The following HAO2 variants were observed in gnomAD, a reference collection of about 807,000 sequenced individuals.
HAO2 encodes hydroxyacid oxidase 2.
HAO2 carries 42 observed loss-of-function variants against 37.4 expected under a neutral mutation model. The ratio of observed to expected loss-of-function variants is 1.12; its 90% CI spans 0.88 to 1.45. HAO2 has a LOEUF of 1.45. HAO2 is among the 40% of genes most tolerant of loss of function. The pLI, the probability that HAO2 is intolerant of heterozygous loss-of-function variation, is 0.00. For synonymous variants in HAO2, 180 were observed against 162.8 expected, an observed-to-expected ratio of 1.11 and a Z score of -0.81; for missense variants, 476 against 430.2, an observed-to-expected ratio of 1.11 and a Z score of -0.94.
At chr1:119,377,397 T>A (rs146744173) in intron 1 of HAO2, among the ~76,000 whole-genome samples, 5 of 152,160 alleles carry the variant, frequency 3.3e-5, no homozygotes, top group African/African-American at 9.7e-5. Context: ...CATATTACTA[T>A]CAAAATTTTA....
chr1:119,384,725 C>T, intron 3 of HAO2, 51 bp from the exon 4 acceptor site: 1 of 1,538,076 alleles, frequency 6.5e-7, no homozygotes, highest in African/African-American at 1.4e-5. Flanking sequence ...GTTTTCAGCC[C>T]AGTCCAGAGG....
chr1:119,382,547 T>G (rs1372642532), intron 2 of HAO2, among the ~76,000 whole-genome samples: 1 of 152,146 alleles, frequency 6.6e-6, no homozygotes, highest in African/African-American at 2.4e-5. Flanking sequence ...CTACCTATTC[T>G]TTTCTTTTTA....
At chr1:119,385,447 A>G in intron 4 of HAO2, 1 of 803,000 alleles carries the variant, frequency 1.2e-6, no homozygotes, top group Non-Finnish European at 1.5e-6. Flanking sequence ...ATACATAGAC[A>G]AACTGACTCT....
rs1557860187 is a variant in HAO2, at chr1:119,393,949, C to T, written c.*109C>T. 9 of 1,575,352 alleles carry T rather than the reference C, an allele frequency of 5.7e-6. No individual in the cohort carries two copies. Among genetic ancestry groups the T allele is most frequent in the Non-Finnish European group, 7.8e-6 (9 of 1,153,828 alleles). On this transcript the variant is annotated 3_prime_UTR_variant, in exon 8 of 8. Transcript: ENST00000325945. ...CTGGACCCCATTCTGTCCGGAGGCT[C>T]ATGGCCCATATTTCCCACATTTCTA...
chr1:119,375,107 T>C (rs1157681522), intron 1 of HAO2, among the ~76,000 whole-genome samples: 1 of 152,174 alleles, frequency 6.6e-6, no homozygotes, highest in African/African-American at 2.4e-5. Context: ...CCTCTGTCTC[T>C]TCTTCTTGGG....
chr1:119,390,566 T>C (rs1650800889), intron 5 of HAO2, among the ~76,000 whole-genome samples: 1 of 152,314 alleles, frequency 6.6e-6, no homozygotes, highest in Non-Finnish European at 1.5e-5. Context: ...TTTTATGATG[T>C]TGTGAAAGAG....
chr1:119,379,751 C>T (rs1018927414), intron 1 of HAO2, among the ~76,000 whole-genome samples: 3 of 152,088 alleles, frequency 2.0e-5, no homozygotes, highest in South Asian at 2.1e-4. Context: ...GCTCTGTTTC[C>T]TGTCTGTCAT....
intron 1 of HAO2, among the ~76,000 whole-genome samples, chr1:119,376,247 G>A (rs147528484): frequency 3.3e-5 from 5 of 152,226 alleles, no homozygotes; most frequent in East Asian, 1.9e-4. Context: ...AAGGTGCTAC[G>A]GCCCCATGCA....
At chr1:119,374,755 T>C (rs1002280496) in intron 1 of HAO2, among the ~76,000 whole-genome samples, 1 of 152,196 alleles carries the variant, frequency 6.6e-6, no homozygotes, top group Non-Finnish European at 1.5e-5. Context: ...ACATGAATCA[T>C]ATGAATCATA....
intron 4 of HAO2, 78 bp downstream of exon 4, chr1:119,385,131 C>G (rs587653389): frequency 6.5e-7 from 1 of 1,534,932 alleles, no homozygotes; most frequent in South Asian, 1.3e-5. Flanking sequence ...TTCCTCCATT[C>G]TTTCTTTCCA....
chr1:119,374,242 A>C (rs116245753), intron 1 of HAO2, among the ~76,000 whole-genome samples: 2 of 152,262 alleles, frequency 1.3e-5, no homozygotes, highest in Non-Finnish European at 2.9e-5. Flanking sequence ...CCTGAACCCA[A>C]CACTGCCATC....
At chr1:119,386,871 G>A in intron 5 of HAO2, 40 bp downstream of exon 5, 1 of 1,270,174 alleles carries the variant, frequency 7.9e-7, no homozygotes. Context: ...GTTTGTGAGT[G>A]CTGTGTGTGT....
intron 1 of HAO2, among the ~76,000 whole-genome samples, chr1:119,375,366 T>C (rs1212586100): frequency 6.6e-6 from 1 of 152,092 alleles, no homozygotes; most frequent in East Asian, 1.9e-4. Context: ...TCCTTTTCTT[T>C]AATTATAAAC....
At chr1:119,378,262 C>A (rs919721991) in intron 1 of HAO2, among the ~76,000 whole-genome samples, 9 of 151,952 alleles carry the variant, frequency 5.9e-5, no homozygotes, top group Admixed American at 3.3e-4. Flanking sequence ...AATAAATAAA[C>A]CCATCAGATC....
intron 5 of HAO2, among the ~76,000 whole-genome samples, chr1:119,389,809 T>G (rs1650729324): frequency 6.6e-6 from 1 of 152,152 alleles, no homozygotes; most frequent in Non-Finnish European, 1.5e-5. Context: ...GCCAGCTATT[T>G]ATCTTTGTTT....
chr1:119,382,805 C>A (rs991142339), intron 2 of HAO2, 110 bp from the exon 3 acceptor site: 4 of 984,904 alleles, frequency 4.1e-6, no homozygotes, highest in Non-Finnish European at 6.1e-6. Flanking sequence ...TTCCACAGGA[C>A]CCTGTCTGGT....
At chr1:119,377,400 A>G (rs900828508) in intron 1 of HAO2, among the ~76,000 whole-genome samples, 1 of 152,142 alleles carries the variant, frequency 6.6e-6, no homozygotes, top group Non-Finnish European at 1.5e-5. Flanking sequence ...ATTACTATCA[A>G]AATTTTAGTC....
chr1:119,379,878 GC>G (rs1649778901), intron 1 of HAO2, among the ~76,000 whole-genome samples: 1 of 152,082 alleles, frequency 6.6e-6, no homozygotes, highest in South Asian at 2.1e-4. Flanking sequence ...AGCAAGTTCT[GC>G]CCCATCCCTG....
intron 1 of HAO2, among the ~76,000 whole-genome samples, chr1:119,376,984 C>T (rs1241704171): frequency 3.3e-5 from 5 of 152,192 alleles, no homozygotes; most frequent in South Asian, 2.1e-4. Context: ...TTTGGCTCCT[C>T]GTTACATATG....
Sources: gnomAD v4.1 joint callset for allele counts (sites outside exome capture counted in the v4.1 genomes callset) on GRCh38, gnomAD v4.1.1 for gene constraint, MANE v1.5 for transcripts, NCBI Gene and HGNC (gene_info 2026-07-23, HGNC 2026-07-21) for gene names.